Variants in ADAMTS18 observed in about 807,000 individuals in gnomAD.
The protein encoded by ADAMTS18 is A disintegrin and metalloproteinase with thrombospondin motifs 18.
In ADAMTS18, 157 loss-of-function variants were observed where a neutral mutation model predicts 165.9. The ratio of observed to expected loss-of-function variants is 0.95; its 90% CI spans 0.83 to 1.08. ADAMTS18 has a LOEUF of 1.08. ADAMTS18 is among the 50% of genes least tolerant of loss of function. ADAMTS18 has a pLI of 0.00. For synonymous variants in ADAMTS18, 782 were observed against 578.2 expected (o/e 1.35, Z -5.06); for missense variants, 2,040 against 1,534.0 (o/e 1.33, Z -5.51).
rs36191323 is a variant in ADAMTS18 at position 77,314,753 on chromosome 16, C to CATATATAT, written c.2532+5088_2532+5095dup. The stretch of plus-strand genomic sequence containing the variant: ...GTTTGCTAAATATGGTCTCAGGTTT[C>CATATATAT]ATATATATATATATATATATATATA... On this transcript the variant is annotated intron_variant, in intron 16 of 22. Coordinates refer to ENST00000282849, the MANE Select transcript of ADAMTS18 (RefSeq NM_199355.4). 2.7e-3 allele frequency among the ~76,000 whole-genome samples: 99 copies of CATATATAT among 36,910 alleles called. 7 individuals are homozygous for CATATATAT. Among genetic ancestry groups the CATATATAT allele is most frequent in the East Asian group, 0.012 (19 of 1,540 alleles). 24.2% of individuals were successfully genotyped at this position (36,910 alleles called of 152,430 possible).
chr16:77,345,724 T>C (rs1314492022), intron 10 of ADAMTS18, among the ~76,000 whole-genome samples: 1 of 152,244 alleles, frequency 6.6e-6, no homozygotes. Context: ...TTCAGGTTCA[T>C]GTGTAGTAAG....
chr16:77,423,294 G>C (rs562030795), intron 3 of ADAMTS18, among the ~76,000 whole-genome samples: 1 of 152,184 alleles, frequency 6.6e-6, no homozygotes, highest in East Asian at 1.9e-4. Flanking sequence ...TTTTATCTAG[G>C]CTGAAACTCT....
intron 7 of ADAMTS18, among the ~76,000 whole-genome samples, chr16:77,359,921 G>T (rs2056687822): frequency 6.6e-6 from 1 of 152,188 alleles, no homozygotes; most frequent in African/African-American, 2.4e-5. Context: ...AACATGTGCA[G>T]ATTAAATTCA....
intron 3 of ADAMTS18, among the ~76,000 whole-genome samples, chr16:77,390,952 A>G (rs1239187531): frequency 6.6e-6 from 1 of 152,168 alleles, no homozygotes; most frequent in East Asian, 1.9e-4. Context: ...CAGCATTGCA[A>G]ATTATTGCCA....
intron 3 of ADAMTS18, among the ~76,000 whole-genome samples, chr16:77,429,646 C>T (rs1034906841): frequency 6.6e-6 from 1 of 152,072 alleles, no homozygotes; most frequent in African/African-American, 2.4e-5. Context: ...TTTTATGATT[C>T]TACTCATGTG....
intron 3 of ADAMTS18, among the ~76,000 whole-genome samples, chr16:77,386,239 C>T (rs958422812): frequency 6.6e-4 from 100 of 152,280 alleles, no homozygotes; most frequent in African/African-American, 2.3e-3. Flanking sequence ...AGTTAAGGGG[C>T]TCAGAGCTCA....
intron 3 of ADAMTS18, among the ~76,000 whole-genome samples, chr16:77,429,333 G>A (rs868017344): frequency 6.6e-6 from 1 of 152,172 alleles, no homozygotes. Flanking sequence ...ACTAACGCAG[G>A]AGGAGAAATT....
At chr16:77,305,987 G>A (rs1028690386) in intron 16 of ADAMTS18, among the ~76,000 whole-genome samples, 3 of 152,150 alleles carry the variant, frequency 2.0e-5, no homozygotes, top group African/African-American at 7.2e-5. Flanking sequence ...ACACAAACAT[G>A]CTCAGGGTAC....
intron 16 of ADAMTS18, among the ~76,000 whole-genome samples, chr16:77,316,160 C>T (rs76482386): frequency 0.099 from 14,999 of 152,232 alleles, 1,004 homozygotes; most frequent in East Asian, 0.27. Context: ...TCTGTTTCAG[C>T]GTCTATTACT....
rs1487902019 is a variant in ADAMTS18 at position 77,321,151 on chromosome 16, C to G, written c.2215G>C (p.Gly739Arg). ...GTTGAATTATCACCTTTGCAAACGCCACAAGCATCTGAAACTGCTTTAGAG... is the reference window on the plus strand; with the variant it reads ...GTTGAATTATCACCTTTGCAAACGCGACAAGCATCTGAAACTGCTTTAGAG... ...LGSKAVSDAC[G>R]VCKGDNSTCK... Residue 739 changes from glycine (G) to arginine (R), a missense_variant, in exon 15 of 23, where the codon GGC (glycine) becomes CGC (arginine). By Grantham distance (125) the Gly-to-Arg change is moderately radical. Transcript: ENST00000282849. 1 of 1,614,176 alleles carries G rather than the reference C, an allele frequency of 6.2e-7. No individual in the cohort carries two copies. The highest frequency in any genetic ancestry group is 2.2e-5 in the East Asian group (1 of 44,884).
At chr16:77,353,406 A>G (rs141865242) in intron 10 of ADAMTS18, among the ~76,000 whole-genome samples, 39 of 152,328 alleles carry the variant, frequency 2.6e-4, no homozygotes, top group African/African-American at 8.2e-4. Context: ...ATTAACAGGG[A>G]ATAGGATCAT....
chr16:77,429,008 CAACCATTGTGGA>C (rs2057706867), intron 3 of ADAMTS18, among the ~76,000 whole-genome samples: 1 of 152,130 alleles, frequency 6.6e-6, no homozygotes, highest in Non-Finnish European at 1.5e-5. Context: ...TAAATTAGTT[CAACCATTGTGGA>C]AAGCAGTATG....
Position 77,345,844 on chromosome 16 carries a change from T to C in ADAMTS18, c.1615-4045A>G, listed in dbSNP as rs1035280931. The stretch of plus-strand genomic sequence containing the variant: ...AATCAACTCAGTGTCAGTCAGCTCA[T>C]GGCACTTTTCTGCTCAAAACCCTGT... On this transcript the variant is annotated intron_variant, in intron 10 of 22. Coordinates refer to ENST00000282849, the MANE Select transcript of ADAMTS18 (RefSeq NM_199355.4). Among the ~76,000 whole-genome samples the C allele has an allele frequency of 2.6e-5, 4 of 152,204 alleles. 1 individual carries two copies. The highest frequency in any genetic ancestry group is 2.9e-5 in the Non-Finnish European group (2 of 68,032).
chr16:77,417,671 G>T (rs2057548227), intron 3 of ADAMTS18, among the ~76,000 whole-genome samples: 1 of 152,212 alleles, frequency 6.6e-6, no homozygotes, highest in Non-Finnish European at 1.5e-5. Flanking sequence ...AGTGGCATAT[G>T]TATACATGTG....
chr16:77,311,700 G>GGTTTT (rs141522765), intron 16 of ADAMTS18, among the ~76,000 whole-genome samples: 32 of 94,218 alleles, frequency 3.4e-4, no homozygotes, highest in East Asian at 9.3e-4. Flanking sequence ...GATTACTGGA[G>GGTTTT]TTTTCTTTTT....
At chr16:77,433,417 G>A (rs2057762534) in intron 2 of ADAMTS18, 1 of 152,230 alleles carries the variant, frequency 6.6e-6, no homozygotes, top group South Asian at 2.1e-4. Flanking sequence ...GATGGAAGAA[G>A]GGCAGTCAGT....
intron 3 of ADAMTS18, among the ~76,000 whole-genome samples, chr16:77,393,818 G>A (rs11859065): frequency 0.13 from 19,784 of 152,190 alleles, 1,626 homozygotes; most frequent in African/African-American, 0.23. Context: ...GGCCCATTAT[G>A]GTCCAAAGGC....
At chr16:77,410,109 T>C (rs1026221111) in intron 3 of ADAMTS18, among the ~76,000 whole-genome samples, 3 of 152,144 alleles carry the variant, frequency 2.0e-5, no homozygotes, top group African/African-American at 7.2e-5. Flanking sequence ...ACACATTTTA[T>C]AACATGGCTC....
intron 18 of ADAMTS18, among the ~76,000 whole-genome samples, chr16:77,295,682 A>G (rs2055456345): frequency 6.6e-6 from 1 of 152,168 alleles, no homozygotes; most frequent in South Asian, 2.1e-4. Context: ...CTCACAGAGG[A>G]TATTTTTAAG....
Sources: gnomAD v4.1 joint callset for allele counts (sites outside exome capture counted in the v4.1 genomes callset) on GRCh38, gnomAD v4.1.1 for gene constraint, MANE v1.5 for transcripts, NCBI Gene and HGNC (gene_info 2026-07-23, HGNC 2026-07-21) for gene names.